Variants in ARMH4 observed in about 807,000 individuals in gnomAD.
The protein encoded by ARMH4 is armadillo like helical domain containing 4.
A neutral mutation model predicts 61.9 loss-of-function variants in ARMH4; 49 were observed. The observed-to-expected ratio is 0.79, with a 90% CI of 0.63 to 1.00. ARMH4 has a LOEUF of 1.00. ARMH4 is among the 50% of genes least tolerant of loss of function. The probability of loss-of-function intolerance (pLI) is 0.00; values close to 1 mark genes in which losing one functional copy is unlikely to be tolerated. For synonymous variants in ARMH4, 368 were observed against 341.5 expected, an observed-to-expected ratio of 1.08 and a Z score of -0.85; for missense variants, 934 against 930.0, an observed-to-expected ratio of 1.00 and a Z score of -0.06.
At position 58,126,246 on chromosome 14, in the gene ARMH4, A is replaced by G. The variant is rs377434394; in HGVS notation, c.1831+5266T>C. On this transcript the variant is annotated intron_variant, in intron 4 of 7. Coordinates refer to ENST00000267485, the MANE Select transcript of ARMH4 (RefSeq NM_001001872.4). ...GATGATAAAAGAAAGAGACAAAGAC[A>G]TTGGCTTCAGTATGAGGCCACCAGA... 2.1e-3 allele frequency among the ~76,000 whole-genome samples: 322 copies of G among 152,354 alleles called. 1 individual carries two copies. The highest frequency in any genetic ancestry group is 6.9e-3 in the African/African-American group (288 of 41,578).
rs532360498 is a variant in ARMH4, at chr14:58,126,361, C to T, written c.1831+5151G>A. ...AATTCCCGTTATCAGTAAAGAAGAC[C>T]GCAGAAGGGGACAGAACTAGAAACC... On this transcript the variant is annotated intron_variant, in intron 4 of 7. Transcript: ENST00000267485. Among the ~76,000 whole-genome samples, 260 of 152,164 alleles carry T rather than the reference C, an allele frequency of 1.7e-3. 2 individuals are homozygous for T. The highest frequency in any genetic ancestry group is 2.4e-3 in the Admixed American group (36 of 15,276).
At chr14:58,144,307 T>C (rs1887661803) in intron 1 of ARMH4, among the ~76,000 whole-genome samples, 1 of 152,066 alleles carries the variant, frequency 6.6e-6, no homozygotes, top group Non-Finnish European at 1.5e-5. Context: ...CTCATACCTG[T>C]AGTCCCAATA....
intron 4 of ARMH4, among the ~76,000 whole-genome samples, chr14:58,110,168 A>G (rs1340087991): frequency 6.6e-6 from 1 of 152,202 alleles, no homozygotes; most frequent in Non-Finnish European, 1.5e-5. Context: ...TACTTAGCTC[A>G]TTAATTTTCA....
chr14:58,128,674 G>A (rs1169194358), intron 4 of ARMH4, among the ~76,000 whole-genome samples: 2 of 152,116 alleles, frequency 1.3e-5, no homozygotes, highest in Admixed American at 6.5e-5. Flanking sequence ...ACTAAGAAAA[G>A]GAAAACACAC....
intron 6 of ARMH4, among the ~76,000 whole-genome samples, chr14:58,007,318 T>C (rs771982690): frequency 1.6e-4 from 25 of 152,222 alleles, no homozygotes; most frequent in Non-Finnish European, 3.2e-4. Flanking sequence ...GCCTTTTACT[T>C]ATGGAGCTTT....
chr14:58,026,770 G>A (rs1446580450), intron 5 of ARMH4, among the ~76,000 whole-genome samples: 1 of 152,086 alleles, frequency 6.6e-6, no homozygotes, highest in East Asian at 1.9e-4. Context: ...ATCAAGACAA[G>A]GTCCCCAAGC....
chr14:58,059,502 T>C (rs1315262760), intron 5 of ARMH4, among the ~76,000 whole-genome samples: 2 of 152,204 alleles, frequency 1.3e-5, no homozygotes, highest in Non-Finnish European at 2.9e-5. Context: ...CTTCCCAAGA[T>C]CTAGAGAATA....
At chr14:58,148,343 C>CT (rs947425995) in intron 1 of ARMH4, among the ~76,000 whole-genome samples, 88 of 152,286 alleles carry the variant, frequency 5.8e-4, no homozygotes, top group African/African-American at 2.0e-3. Flanking sequence ...CCGTGCTCAG[C>CT]TCTCAGGCTC....
chr14:58,028,669 TC>T (rs1883105921), intron 5 of ARMH4, among the ~76,000 whole-genome samples: 4 of 152,178 alleles, frequency 2.6e-5, no homozygotes, highest in Admixed American at 2.6e-4. Context: ...TGGTCCAGTG[TC>T]CCTGCCAGGA....
At position 58,005,149 on chromosome 14, in the gene ARMH4, C is replaced by T; in HGVS notation, c.2155G>A (p.Gly719Arg). 1 of 1,614,012 alleles carries T rather than the reference C, an allele frequency of 6.2e-7. No homozygotes were observed. Among genetic ancestry groups the T allele is most frequent in the Non-Finnish European group, 8.5e-7 (1 of 1,179,928 alleles). The change falls in exon 7 of 8, where the codon GGG (glycine) becomes AGG (arginine). Residue 719 changes from glycine (G) to arginine (R), a missense_variant. Coordinates refer to ENST00000267485, the MANE Select transcript of ARMH4 (RefSeq NM_001001872.4). ...GYMSGMLVPVGVGIAGALFIL... is the reference protein window; with the variant it reads ...GYMSGMLVPVRVGIAGALFIL... Reference sequence around the variant, plus strand: ...AACAAGGCTCCAGCTATCCCAACCCCTACAGGCACCAGCATCCCAGACATG... The same window carrying T: ...AACAAGGCTCCAGCTATCCCAACCCTTACAGGCACCAGCATCCCAGACATG...
chr14:58,104,746 A>C (rs912095360), intron 4 of ARMH4, among the ~76,000 whole-genome samples: 11 of 152,254 alleles, frequency 7.2e-5, no homozygotes, highest in Non-Finnish European at 1.0e-4. Context: ...CGAATAAAGG[A>C]AAGACGGTCT....
chr14:58,071,855 G>T (rs568753294), intron 5 of ARMH4, among the ~76,000 whole-genome samples: 55 of 152,270 alleles, frequency 3.6e-4, no homozygotes, highest in Admixed American at 1.1e-3. Flanking sequence ...TAGTGCTGAC[G>T]ACAAGGGAGA....
intron 4 of ARMH4, among the ~76,000 whole-genome samples, chr14:58,107,756 T>G (rs1240003697): frequency 1.1e-5 from 1 of 92,680 alleles, no homozygotes; most frequent in Non-Finnish European, 2.1e-5. Flanking sequence ...AGAGCAAGAC[T>G]CCATCTCAAA....
rs759355933 is a variant in ARMH4, at chr14:58,004,776, C to T, written c.2285G>A (p.Arg762Gln). ...KQREFNSMQD[R>Q]VMLLADSSED... is the part of the protein sequence containing the mutation. ...AGAGCTGTCGGCTAAGAGCATTACT[C>T]GATCTTGCATGCTGTTGAATTCTCT... The change falls in exon 8 of 8, where the codon CGA (arginine) becomes CAA (glutamine). Residue 762 changes from arginine (R) to glutamine (Q), a missense_variant. Transcript: ENST00000267485. The T allele has an allele frequency of 8.7e-6, 14 of 1,611,378 alleles. No homozygotes were observed. The highest frequency in any genetic ancestry group is 7.7e-5 in the South Asian group (7 of 90,928).
At chr14:58,106,529 A>G (rs1442378108) in intron 4 of ARMH4, among the ~76,000 whole-genome samples, 1 of 152,256 alleles carries the variant, frequency 6.6e-6, no homozygotes. Flanking sequence ...TAGTGTGTCC[A>G]TAGCTCAAAT....
chr14:58,027,554 T>C (rs1883063449), intron 5 of ARMH4, among the ~76,000 whole-genome samples: 1 of 152,196 alleles, frequency 6.6e-6, no homozygotes, highest in Non-Finnish European at 1.5e-5. Context: ...TTTAAAGGCA[T>C]ATGACTTGGT....
intron 5 of ARMH4, among the ~76,000 whole-genome samples, chr14:58,039,281 T>C (rs1315568302): frequency 6.6e-6 from 1 of 152,194 alleles, no homozygotes; most frequent in East Asian, 1.9e-4. Context: ...CCCTTCTCTT[T>C]ATCCTTTCCA....
At chr14:58,022,187 T>C (rs1441838720) in intron 5 of ARMH4, among the ~76,000 whole-genome samples, 1 of 152,078 alleles carries the variant, frequency 6.6e-6, no homozygotes, top group Non-Finnish European at 1.5e-5. Flanking sequence ...CATAGCCTAT[T>C]CCTCCATCTT....
Position 58,138,200 on chromosome 14 carries a change from C to T in ARMH4, c.1159G>A (p.Glu387Lys). The T allele has an allele frequency of 1.2e-6, 2 of 1,614,190 alleles. No homozygotes were observed. Among genetic ancestry groups the T allele is most frequent in the Non-Finnish European group, 8.5e-7 (1 of 1,180,028 alleles). ...GTALLIAHGN[E>K]RSPAFTDQSS... ...TGATCAGTGAAAGCAGGTGATCTCT[C>T]ATTCCCATGCGCTATTAGCAGGGCT... The change falls in exon 2 of 8, where the codon GAG (glutamate) becomes AAG (lysine). Residue 387 changes from glutamate (E) to lysine (K), a missense_variant. By Grantham distance (56) the Glu-to-Lys change is moderately conservative. Coordinates refer to ENST00000267485, the MANE Select transcript of ARMH4 (RefSeq NM_001001872.4).
Sources: gnomAD v4.1 joint callset for allele counts (sites outside exome capture counted in the v4.1 genomes callset) on GRCh38, gnomAD v4.1.1 for gene constraint, MANE v1.5 for transcripts, NCBI Gene and HGNC (gene_info 2026-07-23, HGNC 2026-07-21) for gene names.